Variants in XYLT1 observed in about 807,000 individuals in gnomAD.
The protein encoded by XYLT1 is beta-D-xylosyltransferase 1.
In XYLT1, 36 loss-of-function variants were observed where a neutral mutation model predicts 91.3. That is an observed-to-expected ratio of 0.39 (90% CI 0.30 to 0.52). The LOEUF (loss-of-function observed/expected upper bound fraction) is 0.52, where lower values mean the gene tolerates loss of function less well. XYLT1 is among the 20% of genes least tolerant of loss of function. The probability of loss-of-function intolerance (pLI) is 0.68; values close to 1 mark genes in which losing one functional copy is unlikely to be tolerated. For synonymous variants in XYLT1, 588 were observed against 532.0 expected, an observed-to-expected ratio of 1.11 and a Z score of -1.45; for missense variants, 1,242 against 1,284.5, an observed-to-expected ratio of 0.97 and a Z score of 0.51.
chr16:17,461,052 A>C (rs1479460817), intron 1 of XYLT1, among the ~76,000 whole-genome samples: 1 of 152,210 alleles, frequency 6.6e-6, no homozygotes, highest in Non-Finnish European at 1.5e-5. Context: ...CGATGATGTC[A>C]GACCACTGTC....
At chr16:17,334,996 G>C (rs984158302) in intron 2 of XYLT1, among the ~76,000 whole-genome samples, 1 of 152,116 alleles carries the variant, frequency 6.6e-6, no homozygotes, top group African/African-American at 2.4e-5. Flanking sequence ...GGCTGAGGTG[G>C]GTGGATTGCT....
At chr16:17,468,134 G>A (rs2036924513) in intron 1 of XYLT1, among the ~76,000 whole-genome samples, 1 of 152,062 alleles carries the variant, frequency 6.6e-6, no homozygotes, top group African/African-American at 2.4e-5. Context: ...GCCCCCTTCT[G>A]GTCTCCTGGA....
chr16:17,260,933 GAGA>G (rs1261541949), intron 2 of XYLT1, among the ~76,000 whole-genome samples: 1 of 152,126 alleles, frequency 6.6e-6, no homozygotes, highest in Non-Finnish European at 1.5e-5. Context: ...TGATGGCCTG[GAGA>G]AGAAGGTGCC....
intron 2 of XYLT1, among the ~76,000 whole-genome samples, chr16:17,275,037 C>T (rs563155659): frequency 7.9e-5 from 12 of 151,918 alleles, no homozygotes; most frequent in Non-Finnish European, 1.5e-4. Flanking sequence ...ATTAGCTGGG[C>T]GTGGTGGTGT....
At chr16:17,450,468 C>T (rs574275616) in intron 1 of XYLT1, among the ~76,000 whole-genome samples, 89 of 152,252 alleles carry the variant, frequency 5.8e-4, no homozygotes, top group African/African-American at 2.1e-3. Context: ...AAAACAGCCA[C>T]GTACACATGG....
At chr16:17,256,507 T>C (rs535341714) in intron 3 of XYLT1, among the ~76,000 whole-genome samples, 1 of 151,930 alleles carries the variant, frequency 6.6e-6, no homozygotes, top group South Asian at 2.1e-4. Flanking sequence ...AAAAATTAGC[T>C]GGGTGTGATG....
chr16:17,397,224 G>A (rs1259568415), intron 1 of XYLT1, among the ~76,000 whole-genome samples: 1 of 152,124 alleles, frequency 6.6e-6, no homozygotes, highest in Non-Finnish European at 1.5e-5. Flanking sequence ...AGTTATTGAG[G>A]AGGATGCTTG....
chr16:17,164,839 T>G (rs752236555), intron 5 of XYLT1, among the ~76,000 whole-genome samples: 4 of 152,210 alleles, frequency 2.6e-5, no homozygotes, highest in South Asian at 2.1e-4. Context: ...GAGGCACATA[T>G]GGAAGAGGTC....
intron 1 of XYLT1, among the ~76,000 whole-genome samples, chr16:17,415,017 C>T (rs1466482326): frequency 1.3e-5 from 2 of 152,192 alleles, no homozygotes; most frequent in African/African-American, 2.4e-5. Flanking sequence ...TCCCGCGTGT[C>T]TGACACACAG....
intron 2 of XYLT1, among the ~76,000 whole-genome samples, chr16:17,346,877 C>G (rs1284999818): frequency 6.6e-6 from 1 of 152,226 alleles, no homozygotes; most frequent in East Asian, 1.9e-4. Context: ...CAGCTAACTT[C>G]AGCTTTCCAC....
At chr16:17,327,586 TCTC>T (rs2141835318) in intron 2 of XYLT1, among the ~76,000 whole-genome samples, 1 of 128,964 alleles carries the variant, frequency 7.8e-6, no homozygotes, top group East Asian at 3.1e-4. Context: ...ATGGTCTCAA[TCTC>T]CTGACCTCGT....
Position 17,108,399 on chromosome 16 carries a change from A to C in XYLT1, c.*296T>G. ...GTCTGAAAATCACACGTCTGGGGTC[A>C]GGGGTGGGTCACTGGAAGGGGAAGA... On this transcript the variant is annotated 3_prime_UTR_variant, in exon 12 of 12. Transcript: ENST00000261381. 1 of 348,134 alleles carries C rather than the reference A, an allele frequency of 2.9e-6. No homozygotes were observed. Among genetic ancestry groups the C allele is most frequent in the Non-Finnish European group, 5.2e-6 (1 of 193,462 alleles). The allele number at this position is 348,134 out of a possible 1,614,324, so 21.6% of individuals were successfully genotyped here.
chr16:17,209,724 C>T (rs1437585872), intron 3 of XYLT1, among the ~76,000 whole-genome samples: 1 of 152,174 alleles, frequency 6.6e-6, no homozygotes, highest in African/African-American at 2.4e-5. Context: ...ATGCTGTAAG[C>T]ACAGCTATAA....
At chr16:17,192,116 T>A (rs1417861308) in intron 5 of XYLT1, among the ~76,000 whole-genome samples, 3 of 146,710 alleles carry the variant, frequency 2.0e-5, no homozygotes, top group African/African-American at 5.1e-5. Context: ...TTTTTTTTTT[T>A]AGATGGAGTT....
intron 1 of XYLT1, among the ~76,000 whole-genome samples, chr16:17,433,969 C>T (rs767571750): frequency 1.3e-5 from 2 of 151,364 alleles, no homozygotes; most frequent in Non-Finnish European, 2.9e-5. Context: ...CTGATCCTTT[C>T]GAGAAATCCA....
intron 2 of XYLT1, among the ~76,000 whole-genome samples, chr16:17,330,153 T>G (rs913650497): frequency 7.6e-6 from 1 of 131,052 alleles, no homozygotes; most frequent in Non-Finnish European, 1.6e-5. Flanking sequence ...CAGCTCCACA[T>G]GGGCAGGAGC....
chr16:17,220,590 A>T (rs1383091213), intron 3 of XYLT1, among the ~76,000 whole-genome samples: 3 of 152,186 alleles, frequency 2.0e-5, no homozygotes, highest in Non-Finnish European at 4.4e-5. Context: ...CTCCTGCCTC[A>T]GCCTCCCGAG....
At chr16:17,177,467 ATAT>A (rs554365196) in intron 5 of XYLT1, among the ~76,000 whole-genome samples, 100 of 152,232 alleles carry the variant, frequency 6.6e-4, no homozygotes, top group African/African-American at 2.3e-3. Flanking sequence ...CTTAATCTGT[ATAT>A]TCCTCAAAGG....
chr16:17,466,461 G>A (rs1007969379), intron 1 of XYLT1, among the ~76,000 whole-genome samples: 1 of 152,136 alleles, frequency 6.6e-6, no homozygotes, highest in Non-Finnish European at 1.5e-5. Flanking sequence ...ACAATGACGC[G>A]ATGATGTCAA....
Sources: gnomAD v4.1 joint callset for allele counts (sites outside exome capture counted in the v4.1 genomes callset) on GRCh38, gnomAD v4.1.1 for gene constraint, MANE v1.5 for transcripts, NCBI Gene and HGNC (gene_info 2026-07-23, HGNC 2026-07-21) for gene names.